CSMD1: variants seen among roughly 807,000 people sequenced by gnomAD.
The protein encoded by CSMD1 is CUB and sushi domain-containing protein 1.
A neutral mutation model predicts 417.5 loss-of-function variants in CSMD1; 213 were observed. The ratio of observed to expected loss-of-function variants is 0.51; its 90% CI spans 0.46 to 0.57. The LOEUF (loss-of-function observed/expected upper bound fraction) is 0.57, where lower values mean the gene tolerates loss of function less well. Ranked by LOEUF, CSMD1 falls within the 20% of genes least tolerant of loss-of-function variation. CSMD1 has a pLI of 0.00. For synonymous variants in CSMD1, 2,862 were observed against 1,736.8 expected, an observed-to-expected ratio of 1.65 and a Z score of -16.11; for missense variants, 6,923 against 4,529.7, an observed-to-expected ratio of 1.53 and a Z score of -15.17.
Position 3,253,279 on chromosome 8 carries a change from G to A in CSMD1, c.4154-23048C>T, listed in dbSNP as rs139629903. 8.2e-3 allele frequency among the ~76,000 whole-genome samples: 1,243 copies of A among 152,038 alleles called. 16 individuals are homozygous for A. Among genetic ancestry groups the A allele is most frequent in the African/African-American group, 0.028 (1,151 of 41,462 alleles). On this transcript the variant is annotated intron_variant, in intron 26 of 69. Coordinates refer to ENST00000635120, the MANE Select transcript of CSMD1 (RefSeq NM_033225.6). Reference sequence around the variant, plus strand: ...ACATCTTTATTTCTGCCTTCATTTCGTTATTTACCCAGTAGTCACTCAGGA... The same window carrying A: ...ACATCTTTATTTCTGCCTTCATTTCATTATTTACCCAGTAGTCACTCAGGA...
intron 1 of CSMD1, among the ~76,000 whole-genome samples, chr8:4,891,581 A>G (rs1017564714): frequency 6.6e-6 from 1 of 152,106 alleles, no homozygotes; most frequent in Non-Finnish European, 1.5e-5. Context: ...TTTATTTTTC[A>G]TCTCTTTTAG....
chr8:4,901,118 T>C (rs961248167), intron 1 of CSMD1, among the ~76,000 whole-genome samples: 2 of 152,254 alleles, frequency 1.3e-5, no homozygotes, highest in African/African-American at 2.4e-5. Context: ...CTCGTCAGTA[T>C]TACACAGCAA....
At chr8:4,705,835 G>A (rs1031352514) in intron 1 of CSMD1, among the ~76,000 whole-genome samples, 1 of 152,118 alleles carries the variant, frequency 6.6e-6, no homozygotes, top group African/African-American at 2.4e-5. Flanking sequence ...TGAGCCAGCT[G>A]CATCTGAGTG....
chr8:4,882,260 G>A (rs776494334), intron 1 of CSMD1, among the ~76,000 whole-genome samples: 14 of 151,666 alleles, frequency 9.2e-5, no homozygotes, highest in Non-Finnish European at 1.9e-4. Flanking sequence ...GGTGGATGTC[G>A]CCCCTTCTCC....
At chr8:3,193,488 G>A (rs1254172886) in intron 33 of CSMD1, among the ~76,000 whole-genome samples, 1 of 152,102 alleles carries the variant, frequency 6.6e-6, no homozygotes, top group Non-Finnish European at 1.5e-5. Context: ...AAATCAGACA[G>A]TGCTGTGTAA....
intron 2 of CSMD1, among the ~76,000 whole-genome samples, chr8:4,597,862 G>A (rs1800369169): frequency 6.6e-6 from 1 of 152,160 alleles, no homozygotes; most frequent in Non-Finnish European, 1.5e-5. Context: ...TTCTGATGCA[G>A]TGAGAGAGAC....
intron 10 of CSMD1, among the ~76,000 whole-genome samples, chr8:3,572,817 A>G (rs1332017767): frequency 6.6e-6 from 1 of 152,140 alleles, no homozygotes; most frequent in African/African-American, 2.4e-5. Context: ...CACCTAATAT[A>G]GCCCCCAAAC....
At chr8:4,572,691 G>A (rs1798946047) in intron 2 of CSMD1, among the ~76,000 whole-genome samples, 1 of 152,146 alleles carries the variant, frequency 6.6e-6, no homozygotes, top group Admixed American at 6.5e-5. Context: ...AAGATCTCCT[G>A]GATAATATCC....
chr8:4,968,012 T>C (rs1809994038), intron 1 of CSMD1, among the ~76,000 whole-genome samples: 1 of 152,210 alleles, frequency 6.6e-6, no homozygotes. Flanking sequence ...GGCATCATTT[T>C]ATATAATTGA....
chr8:4,067,713 T>G (rs1418027073), intron 3 of CSMD1, among the ~76,000 whole-genome samples: 1 of 152,190 alleles, frequency 6.6e-6, no homozygotes, highest in Non-Finnish European at 1.5e-5. Context: ...CCATGTTAGA[T>G]AGTGTAATTT....
intron 2 of CSMD1, among the ~76,000 whole-genome samples, chr8:4,438,897 C>A (rs79586541): frequency 8.5e-5 from 13 of 152,152 alleles, no homozygotes; most frequent in African/African-American, 3.1e-4. Flanking sequence ...CAAAGACCAA[C>A]GGAGTTTAAG....
rs558323572 is a variant in CSMD1 at position 3,205,688 on chromosome 8, C to G, written c.4868-68G>C. ...AGCGCAGGTGATAGGTGAGCCAAAG[C>G]TGAAACACATCAAACACGTGAGCAC... On this transcript the variant is annotated intron_variant, in intron 30 of 69. Transcript: ENST00000635120. The G allele has an allele frequency of 1.5e-5, 10 of 669,726 alleles. No homozygotes were observed. In the African/African-American group the frequency reaches 1.7e-4, roughly 11 times the overall value. 41.5% of individuals were successfully genotyped at this position (669,726 alleles called of 1,614,324 possible).
intron 7 of CSMD1, among the ~76,000 whole-genome samples, chr8:3,700,303 A>G (rs900094): frequency 0.073 from 11,089 of 152,266 alleles, 1,326 homozygotes; most frequent in African/African-American, 0.25. Context: ...ACCTGCCCTC[A>G]TGTAGTTCAG....
chr8:3,627,471 G>A (rs529092448), intron 7 of CSMD1, among the ~76,000 whole-genome samples: 10 of 152,094 alleles, frequency 6.6e-5, no homozygotes, highest in African/African-American at 1.9e-4. Context: ...GTTATTTAAA[G>A]TCGTGCTATT....
chr8:3,541,675 C>T (rs986476394), intron 10 of CSMD1, among the ~76,000 whole-genome samples: 3 of 149,136 alleles, frequency 2.0e-5, no homozygotes, highest in Non-Finnish European at 4.5e-5. Context: ...ATTTGGACAC[C>T]CTATAATTAG....
chr8:4,708,608 G>A (rs1009862791), intron 1 of CSMD1, among the ~76,000 whole-genome samples: 2 of 152,014 alleles, frequency 1.3e-5, no homozygotes, highest in Non-Finnish European at 2.9e-5. Flanking sequence ...ATCAGAAAGA[G>A]TTCATTGAAT....
intron 1 of CSMD1, among the ~76,000 whole-genome samples, chr8:4,842,331 G>A (rs896877649): frequency 3.3e-5 from 5 of 152,126 alleles, no homozygotes; most frequent in African/African-American, 9.7e-5. Flanking sequence ...ATTCTACAAT[G>A]GACTTTTAAT....
chr8:3,053,062 G>A (rs951396417), intron 49 of CSMD1, among the ~76,000 whole-genome samples: 28 of 152,172 alleles, frequency 1.8e-4, no homozygotes, highest in African/African-American at 6.0e-4. Context: ...GATTACAGGC[G>A]TGAGCCACCA....
At chr8:4,897,290 G>C (rs893537344) in intron 1 of CSMD1, among the ~76,000 whole-genome samples, 1 of 151,690 alleles carries the variant, frequency 6.6e-6, no homozygotes, top group African/African-American at 2.4e-5. Flanking sequence ...ATTTAGGTAA[G>C]AAAAAAACGG....
Sources: allele counts gnomAD v4.1 joint callset (sites outside exome capture counted in the v4.1 genomes callset), GRCh38; gene constraint gnomAD v4.1.1; transcripts MANE v1.5; gene names NCBI Gene and HGNC (gene_info 2026-07-23, HGNC 2026-07-21).